The following HHAT variants were observed in gnomAD, a reference collection of about 807,000 sequenced individuals.
HHAT encodes the protein protein-cysteine N-palmitoyltransferase HHAT.
In HHAT, 47 loss-of-function variants were observed where a neutral mutation model predicts 70.8. The ratio of observed to expected loss-of-function variants is 0.66; its 90% CI spans 0.53 to 0.85. The LOEUF is 0.85. Among genes scored for constraint, HHAT ranks in the 40% least tolerant of loss-of-function variants. The pLI, the probability that HHAT is intolerant of heterozygous loss-of-function variation, is 0.00. For missense variants in HHAT, 609 were observed against 604.8 expected, an observed-to-expected ratio of 1.01 and a Z score of -0.07; for synonymous variants, 228 against 247.6, an observed-to-expected ratio of 0.92 and a Z score of 0.74.
chr1:210,425,769 T>C (rs4845023), intron 7 of HHAT, among the ~76,000 whole-genome samples: 66,706 of 151,946 alleles, frequency 0.44, 14,789 homozygotes, highest in Admixed American at 0.53. Context: ...TGAAGTTGGG[T>C]AGCATGATGC....
intron 7 of HHAT, among the ~76,000 whole-genome samples, chr1:210,447,595 A>T (rs1323910317): frequency 6.6e-6 from 1 of 152,228 alleles, no homozygotes; most frequent in African/African-American, 2.4e-5. Flanking sequence ...CTGAGGAAAG[A>T]TGTCCTGGTT....
intron 9 of HHAT, among the ~76,000 whole-genome samples, chr1:210,569,373 CAAAAAAAAAAA>C (rs71146233): frequency 2.5e-4 from 7 of 28,338 alleles, no homozygotes; most frequent in East Asian, 1.5e-3. Flanking sequence ...GAGTCTGCCT[CAAAAAAAAAAA>C]AAAAAAAAAA....
intron 11 of HHAT, among the ~76,000 whole-genome samples, chr1:210,656,865 G>C (rs895188523): frequency 6.6e-6 from 1 of 152,124 alleles, no homozygotes; most frequent in Non-Finnish European, 1.5e-5. Flanking sequence ...TGCTTCCAAG[G>C]CATGGCAAAC....
chr1:210,410,629 C>T (rs1360832527), intron 6 of HHAT, among the ~76,000 whole-genome samples: 1 of 147,492 alleles, frequency 6.8e-6, no homozygotes, highest in Admixed American at 6.8e-5. Flanking sequence ...CAGGTTCAAG[C>T]GATTCTCCTG....
chr1:210,646,657 A>G (rs1391830345), intron 11 of HHAT, among the ~76,000 whole-genome samples: 1 of 152,234 alleles, frequency 6.6e-6, no homozygotes, highest in East Asian at 1.9e-4. Context: ...CTATAATCCC[A>G]TAACCCAGAA....
chr1:210,427,739 T>C (rs2093108345), intron 7 of HHAT, among the ~76,000 whole-genome samples: 1 of 152,132 alleles, frequency 6.6e-6, no homozygotes, highest in Non-Finnish European at 1.5e-5. Context: ...TTTTAGAGTA[T>C]GTGCCATGTG....
intron 8 of HHAT, among the ~76,000 whole-genome samples, chr1:210,473,650 C>G (rs1205605933): frequency 2.0e-5 from 3 of 152,192 alleles, no homozygotes; most frequent in Non-Finnish European, 2.9e-5. Flanking sequence ...GGAGGCTTTA[C>G]CTGCTGCCCA....
chr1:210,649,406 G>A (rs1674681258), intron 11 of HHAT, among the ~76,000 whole-genome samples: 1 of 152,246 alleles, frequency 6.6e-6, no homozygotes, highest in Non-Finnish European at 1.5e-5. Flanking sequence ...GGCTGGAGAG[G>A]CCTGAGTGGG....
upstream of HHAT, among the ~76,000 whole-genome samples, chr1:210,327,917 T>G (rs1181239168): frequency 1.3e-5 from 2 of 152,174 alleles, no homozygotes; most frequent in Admixed American, 6.5e-5. Context: ...TACCAGGTTT[T>G]GGGGTGAGTG....
intron 7 of HHAT, among the ~76,000 whole-genome samples, chr1:210,451,485 A>G (rs1158740582): frequency 2.0e-5 from 3 of 152,242 alleles, no homozygotes; most frequent in Non-Finnish European, 4.4e-5. Context: ...AGAAAATATT[A>G]ATGAAATTAG....
intron 9 of HHAT, among the ~76,000 whole-genome samples, chr1:210,537,411 T>A (rs1045585736): frequency 6.6e-6 from 1 of 152,194 alleles, no homozygotes; most frequent in Non-Finnish European, 1.5e-5. Context: ...AGCGCAATTA[T>A]TGTATCCCTC....
intron 11 of HHAT, among the ~76,000 whole-genome samples, chr1:210,645,629 C>A (rs765379603): frequency 6.6e-6 from 1 of 152,190 alleles, no homozygotes; most frequent in Non-Finnish European, 1.5e-5. Flanking sequence ...TGGTTGGGTT[C>A]GCACTGCGAG....
At chr1:210,484,911 A>AT (rs2094451704) in intron 8 of HHAT, among the ~76,000 whole-genome samples, 1 of 152,136 alleles carries the variant, frequency 6.6e-6, no homozygotes, top group African/African-American at 2.4e-5. Context: ...TTATATTAAT[A>AT]AACTCTGCCC....
chr1:210,437,075 C>T (rs1448276670), intron 7 of HHAT, among the ~76,000 whole-genome samples: 1 of 151,816 alleles, frequency 6.6e-6, no homozygotes, highest in Admixed American at 6.6e-5. Context: ...TGAATACTGA[C>T]TCTACATATT....
At chr1:210,430,376 GT>G (rs1020398635) in intron 7 of HHAT, among the ~76,000 whole-genome samples, 1 of 151,836 alleles carries the variant, frequency 6.6e-6, no homozygotes, top group African/African-American at 2.4e-5. Context: ...CTACAGGGTT[GT>G]TATTGTTCGG....
intron 1 of HHAT, among the ~76,000 whole-genome samples, chr1:210,335,416 G>C (rs1333693896): frequency 2.0e-5 from 3 of 151,966 alleles, no homozygotes; most frequent in African/African-American, 7.3e-5. Flanking sequence ...ATAGATTCGG[G>C]CCAATCCCAA....
intron 8 of HHAT, among the ~76,000 whole-genome samples, chr1:210,466,569 C>T (rs912481357): frequency 2.6e-5 from 4 of 152,304 alleles, no homozygotes; most frequent in African/African-American, 9.6e-5. Flanking sequence ...AATGCTTGTA[C>T]TCTTGCATTT....
At chr1:210,459,077 G>A (rs949901881) in intron 7 of HHAT, among the ~76,000 whole-genome samples, 1 of 152,134 alleles carries the variant, frequency 6.6e-6, no homozygotes, top group East Asian at 1.9e-4. Context: ...AGTTTAAGAT[G>A]GCCCGTTTGG....
chr1:210,529,685 A>T (rs1368858015), intron 9 of HHAT, among the ~76,000 whole-genome samples: 1 of 152,084 alleles, frequency 6.6e-6, no homozygotes, highest in East Asian at 1.9e-4. Context: ...CCTCCCACAG[A>T]ACTGTTTCCA....
Sources: allele counts gnomAD v4.1 joint callset (sites outside exome capture counted in the v4.1 genomes callset), GRCh38; gene constraint gnomAD v4.1.1; transcripts MANE v1.5; gene names NCBI Gene and HGNC (gene_info 2026-07-23, HGNC 2026-07-21).